The following IL1RAPL1 variants were observed in gnomAD, a reference collection of about 807,000 sequenced individuals.
IL1RAPL1 encodes the protein interleukin 1 receptor accessory protein like 1.
Under a neutral mutation model 48.4 loss-of-function variants are expected in IL1RAPL1, and 3 were observed. The ratio of observed to expected loss-of-function variants is 0.06; its 90% CI spans 0.03 to 0.16. IL1RAPL1 has a LOEUF of 0.16. Ranked by LOEUF, IL1RAPL1 falls within the 10% of genes least tolerant of loss-of-function variation. The pLI, the probability that IL1RAPL1 is intolerant of heterozygous loss-of-function variation, is 1.00. For missense variants in IL1RAPL1, 349 were observed against 530.6 expected, an observed-to-expected ratio of 0.66 and a Z score of 3.36; for synonymous variants, 185 against 187.7, an observed-to-expected ratio of 0.99 and a Z score of 0.12.
rs926818956 is a variant in IL1RAPL1 at position 28,963,831 on chromosome X, T to C, written c.82+174406T>C. ...TCTTTTCCTAAAATTTTAATTGTGG[T>C]AAAATACACAATATACCCTATTTCA... On this transcript the variant is annotated intron_variant, in intron 2 of 10. Coordinates refer to ENST00000378993, the MANE Select transcript of IL1RAPL1 (RefSeq NM_014271.4). 8.1e-5 allele frequency among the ~76,000 whole-genome samples: 9 copies of C among 111,223 alleles called. No individual in the cohort carries two copies. In the East Asian group the frequency reaches 2.5e-3, roughly 31 times the overall value.
intron 1 of IL1RAPL1, among the ~76,000 whole-genome samples, chrX:28,673,953 A>G (rs1331305001): frequency 9.0e-6 from 1 of 111,544 alleles, no homozygotes; most frequent in East Asian, 2.8e-4. Flanking sequence ...TTGGGTCTCT[A>G]TAGTCAAATG....
At chrX:29,883,526 G>T (rs764616949) in intron 6 of IL1RAPL1, among the ~76,000 whole-genome samples, 1 of 112,040 alleles carries the variant, frequency 8.9e-6, no homozygotes. Context: ...ATCCTTTTCT[G>T]TTCTGACGTA....
chrX:28,638,354 G>C (rs1389617457), intron 1 of IL1RAPL1, among the ~76,000 whole-genome samples: 1 of 111,004 alleles, frequency 9.0e-6, no homozygotes, highest in African/African-American at 3.3e-5. Flanking sequence ...ATTGAATAGA[G>C]TCTTCCATTA....
intron 5 of IL1RAPL1, among the ~76,000 whole-genome samples, chrX:29,574,587 A>G (rs1922712592): frequency 2.7e-5 from 3 of 111,036 alleles, no homozygotes; most frequent in Non-Finnish European, 5.7e-5. Context: ...AAGATACAAT[A>G]TGTCTTGGCT....
chrX:28,783,468 G>A (rs921899766), intron 1 of IL1RAPL1, among the ~76,000 whole-genome samples: 1 of 111,026 alleles, frequency 9.0e-6, no homozygotes, highest in Non-Finnish European at 1.9e-5. Context: ...TCAGAGAAGC[G>A]CTATAGGAAT....
chrX:29,544,908 G>A (rs1921566158), intron 5 of IL1RAPL1, among the ~76,000 whole-genome samples: 1 of 108,495 alleles, frequency 9.2e-6, no homozygotes, highest in Non-Finnish European at 1.9e-5. Context: ...CCTTAGGTTA[G>A]GCTCTAATTC....
chrX:29,869,112 TTA>T (rs1384714076), intron 6 of IL1RAPL1, among the ~76,000 whole-genome samples: 2 of 112,360 alleles, frequency 1.8e-5, no homozygotes, highest in African/African-American at 6.5e-5. Context: ...ACACAAGAGT[TTA>T]TATCTCCTGG....
chrX:29,221,598 A>G (rs945519612), intron 2 of IL1RAPL1, among the ~76,000 whole-genome samples: 2 of 101,241 alleles, frequency 2.0e-5, no homozygotes, highest in Non-Finnish European at 4.0e-5. Context: ...ATTATGCCAA[A>G]GGAGCAATGT....
intron 2 of IL1RAPL1, among the ~76,000 whole-genome samples, chrX:28,800,715 G>A (rs939313825): frequency 7.2e-5 from 8 of 110,915 alleles, no homozygotes; most frequent in African/African-American, 2.0e-4. Flanking sequence ...CTGAAAATAC[G>A]TCATTAAATG....
At chrX:29,862,988 A>AG (rs1931621556) in intron 6 of IL1RAPL1, among the ~76,000 whole-genome samples, 1 of 107,972 alleles carries the variant, frequency 9.3e-6, no homozygotes, top group African/African-American at 3.4e-5. Flanking sequence ...AAAAAAAAAA[A>AG]AGGCTAGAGA....
intron 2 of IL1RAPL1, among the ~76,000 whole-genome samples, chrX:29,199,866 A>T (rs1930520295): frequency 8.9e-6 from 1 of 111,862 alleles, no homozygotes; most frequent in Non-Finnish European, 1.9e-5. Context: ...GTAAATTCTG[A>T]CTGGATTTAG....
rs184786680 is a variant in IL1RAPL1, at chrX:28,958,407, G to C, written c.82+168982G>C. Among the ~76,000 whole-genome samples, 245 of 111,232 alleles carry C rather than the reference G, an allele frequency of 2.2e-3. 3 individuals carry two copies. The highest frequency in any genetic ancestry group is 0.019 in the Admixed American group (196 of 10,377). Reference sequence around the variant, plus strand: ...TATGAGGGTCTTTTCATTTCCTATGGGTGTGATTGAAAGCCTGAATGTATG... The same window carrying C: ...TATGAGGGTCTTTTCATTTCCTATGCGTGTGATTGAAAGCCTGAATGTATG... On this transcript the variant is annotated intron_variant, in intron 2 of 10. Transcript: ENST00000378993.
chrX:29,316,414 G>A (rs997386942), intron 3 of IL1RAPL1, among the ~76,000 whole-genome samples: 59 of 111,958 alleles, frequency 5.3e-4, no homozygotes, highest in African/African-American at 1.8e-3. Flanking sequence ...AAAATTAAAG[G>A]CAGGTGGAAA....
At chrX:29,406,282 G>A (rs770007844) in intron 5 of IL1RAPL1, among the ~76,000 whole-genome samples, 4 of 110,116 alleles carry the variant, frequency 3.6e-5, no homozygotes, top group African/African-American at 1.0e-4. Context: ...CCAGCTACTC[G>A]GGAGGCTGAG....
intron 3 of IL1RAPL1, among the ~76,000 whole-genome samples, chrX:29,394,157 T>A (rs1933893736): frequency 1.8e-5 from 2 of 110,333 alleles, no homozygotes; most frequent in South Asian, 7.7e-4. Flanking sequence ...TTAAGTATAT[T>A]TTGAACATGA....
At chrX:29,184,387 G>A (rs1422774497) in intron 2 of IL1RAPL1, among the ~76,000 whole-genome samples, 1 of 112,340 alleles carries the variant, frequency 8.9e-6, no homozygotes, top group Non-Finnish European at 1.9e-5. Flanking sequence ...GATTTCAGCT[G>A]TAAGAAATGA....
chrX:28,698,944 C>T (rs895601920), intron 1 of IL1RAPL1, among the ~76,000 whole-genome samples: 2 of 111,979 alleles, frequency 1.8e-5, no homozygotes, highest in African/African-American at 6.5e-5. Context: ...TGTCAGAATA[C>T]AAATTCTGTC....
intron 5 of IL1RAPL1, among the ~76,000 whole-genome samples, chrX:29,496,286 C>G (rs1935212152): frequency 9.1e-6 from 1 of 109,797 alleles, no homozygotes; most frequent in Non-Finnish European, 1.9e-5. Flanking sequence ...CATATTTATC[C>G]CCATCCAAAT....
chrX:29,900,989 G>A (rs2087763466), intron 6 of IL1RAPL1, among the ~76,000 whole-genome samples: 1 of 112,039 alleles, frequency 8.9e-6, no homozygotes, highest in African/African-American at 3.2e-5. Context: ...CCAGTCAGGT[G>A]ATTCCATTCA....
Sources: allele counts gnomAD v4.1 joint callset (sites outside exome capture counted in the v4.1 genomes callset), GRCh38; gene constraint gnomAD v4.1.1; transcripts MANE v1.5; gene names NCBI Gene and HGNC (gene_info 2026-07-23, HGNC 2026-07-21).